Variants in CREB3L2 observed in about 807,000 individuals in gnomAD.
The protein encoded by CREB3L2 is cyclic AMP-responsive element-binding protein 3-like protein 2.
A neutral mutation model predicts 57.2 loss-of-function variants in CREB3L2; 23 were observed. The ratio of observed to expected loss-of-function variants is 0.40; its 90% CI spans 0.29 to 0.57. CREB3L2 has a LOEUF of 0.57. Ranked by LOEUF, CREB3L2 falls within the 20% of genes least tolerant of loss-of-function variation. The pLI is 0.42. For missense variants in CREB3L2, 628 were observed against 634.7 expected (o/e 0.99, Z 0.11); for synonymous variants, 268 against 265.1 (o/e 1.01, Z -0.11).
intron 1 of CREB3L2, among the ~76,000 whole-genome samples, chr7:137,932,359 CATAA>C (rs1336062272): frequency 1.3e-5 from 2 of 152,046 alleles, no homozygotes; most frequent in Non-Finnish European, 2.9e-5. Context: ...GGTTTAAAGG[CATAA>C]ATAAATAAAA....
chr7:137,995,784 A>G (rs558653887), intron 1 of CREB3L2, among the ~76,000 whole-genome samples: 1 of 152,364 alleles, frequency 6.6e-6, no homozygotes, highest in African/African-American at 2.4e-5. Flanking sequence ...CTGCAAAAGC[A>G]ATGTCACATC....
In CREB3L2 at chr7:137,885,389, G is replaced by C; in HGVS notation, c.1143+14C>G. On this transcript the variant is annotated intron_variant, in intron 9 of 11. Transcript: ENST00000330387. Reference sequence around the variant, plus strand: ...CCAGGGGCGGTCACTGTGCTACCCTGCTGGGAAGCTCACCATGAGGCAGGT... The same window carrying C: ...CCAGGGGCGGTCACTGTGCTACCCTCCTGGGAAGCTCACCATGAGGCAGGT... 6.2e-7 allele frequency: 1 copy of C among 1,609,208 alleles called. No homozygotes were observed. The highest frequency in any genetic ancestry group is 1.1e-5 in the South Asian group (1 of 90,952).
In CREB3L2 at chr7:137,882,535, C is replaced by T. The variant is rs1563236578; in HGVS notation, c.1364G>A (p.Arg455Lys). 2 of 1,613,918 alleles carry T rather than the reference C, an allele frequency of 1.2e-6. No homozygotes were observed. The highest frequency in any genetic ancestry group is 1.1e-5 in the South Asian group (1 of 91,072). The change falls in exon 11 of 12, where the codon AGA becomes AAA. Residue 455 changes from arginine (R) to lysine (K), a missense_variant. Arg to Lys is a conservative substitution (Grantham distance 26, BLOSUM62 2). Transcript: ENST00000330387. ...TGACACCCTGAGCAGGGAGGAACCTCTATCCCAGCCCCCCAGCTCCCCAGC... is the reference window on the plus strand; with the variant it reads ...TGACACCCTGAGCAGGGAGGAACCTTTATCCCAGCCCCCCAGCTCCCCAGC... ...GSAGELGGWD[R>K]GSSLLRVSGL...
Position 137,882,579 on chromosome 7 carries a change from C to G in CREB3L2, c.1320G>C (p.Glu440Asp). 1 of 1,613,118 alleles carries G rather than the reference C, an allele frequency of 6.2e-7. No homozygotes were observed. The highest frequency in any genetic ancestry group is 8.5e-7 in the Non-Finnish European group (1 of 1,179,282). The change falls in exon 11 of 12, where the codon GAG becomes GAC. Residue 440 changes from glutamate to aspartate, a missense_variant. Coordinates refer to ENST00000330387, the MANE Select transcript of CREB3L2 (RefSeq NM_194071.4). ...CCCCAGCCGAGCCCGGGCTGGATGA[C>G]TCCTCTGGGGGAGAATGTTCCTCGT... ...LIYEEHSPPE[E>D]SSSPGSAGEL... is the part of the protein sequence containing the mutation.
At chr7:137,964,091 G>C (rs1801368653) in intron 1 of CREB3L2, among the ~76,000 whole-genome samples, 2 of 152,160 alleles carry the variant, frequency 1.3e-5, no homozygotes, top group Admixed American at 1.3e-4. Flanking sequence ...GTGGCGGGCG[G>C]ATCACCTGAG....
chr7:137,941,504 C>T (rs1433434385), intron 1 of CREB3L2, among the ~76,000 whole-genome samples: 2 of 152,136 alleles, frequency 1.3e-5, no homozygotes, highest in African/African-American at 4.8e-5. Flanking sequence ...GGCAATGAAC[C>T]CTCTTCTATC....
At chr7:137,944,848 TAATC>T (rs1295695722) in intron 1 of CREB3L2, among the ~76,000 whole-genome samples, 4 of 152,160 alleles carry the variant, frequency 2.6e-5, no homozygotes, top group African/African-American at 4.8e-5. Flanking sequence ...CATAAATGAA[TAATC>T]AAATTTATAG....
At chr7:137,951,600 C>T (rs17169459) in intron 1 of CREB3L2, among the ~76,000 whole-genome samples, 19,314 of 152,126 alleles carry the variant, frequency 0.13, 1,521 homozygotes, top group Admixed American at 0.24. Flanking sequence ...TATATAAGCT[C>T]AAGGAATTAT....
intron 5 of CREB3L2, 152 bp from the exon 6 acceptor site, chr7:137,906,000 A>G: frequency 2.9e-6 from 2 of 679,514 alleles, no homozygotes; most frequent in South Asian, 3.9e-5. Flanking sequence ...ACAGATGGGT[A>G]TTTTGAAGGG....
At chr7:137,888,554 C>T (rs1799473340) in intron 8 of CREB3L2, among the ~76,000 whole-genome samples, 1 of 152,106 alleles carries the variant, frequency 6.6e-6, no homozygotes, top group Non-Finnish European at 1.5e-5. Context: ...TCTCTATCAC[C>T]TGTAATGCCA....
At chr7:137,914,158 AAT>A (rs1800074955) in intron 3 of CREB3L2, among the ~76,000 whole-genome samples, 1 of 149,598 alleles carries the variant, frequency 6.7e-6, no homozygotes, top group African/African-American at 2.4e-5. Flanking sequence ...AATAATTAAT[AAT>A]GTTATAATAC....
chr7:137,983,568 G>C (rs1269501996), intron 1 of CREB3L2, among the ~76,000 whole-genome samples: 1 of 152,206 alleles, frequency 6.6e-6, no homozygotes, highest in African/African-American at 2.4e-5. Context: ...ACCAGGCAAA[G>C]CTGCTGACTC....
chr7:137,959,012 C>G (rs1310033171), intron 1 of CREB3L2, among the ~76,000 whole-genome samples: 1 of 152,184 alleles, frequency 6.6e-6, no homozygotes, highest in African/African-American at 2.4e-5. Context: ...GAAGTTACTA[C>G]AGTATGTGTG....
chr7:137,986,927 C>T (rs371235585), intron 1 of CREB3L2, among the ~76,000 whole-genome samples: 21 of 152,326 alleles, frequency 1.4e-4, no homozygotes, highest in African/African-American at 3.8e-4. Context: ...GAACATGATG[C>T]CTCGAGCCCA....
chr7:137,954,856 C>G (rs943363857), intron 1 of CREB3L2, among the ~76,000 whole-genome samples: 2 of 152,170 alleles, frequency 1.3e-5, no homozygotes, highest in African/African-American at 4.8e-5. Context: ...GTCGGAACAA[C>G]TGCCCAACCT....
chr7:137,906,864 C>T (rs1934762013), intron 5 of CREB3L2, among the ~76,000 whole-genome samples: 2 of 152,220 alleles, frequency 1.3e-5, no homozygotes. Flanking sequence ...CCTCGCCTTC[C>T]ACCATGATTG....
chr7:137,969,573 A>C (rs1347566758), intron 1 of CREB3L2, among the ~76,000 whole-genome samples: 1 of 151,538 alleles, frequency 6.6e-6, no homozygotes, highest in Non-Finnish European at 1.5e-5. Context: ...GGATGGTCTC[A>C]ATCTCCTGAC....
At chr7:137,895,121 C>G (rs1488290890) in intron 8 of CREB3L2, among the ~76,000 whole-genome samples, 1 of 152,182 alleles carries the variant, frequency 6.6e-6, no homozygotes, top group African/African-American at 2.4e-5. Flanking sequence ...ATGGAGCAAA[C>G]TGAGCCACAA....
In CREB3L2 at chr7:137,878,924, G is replaced by C. The variant is rs1361834780; in HGVS notation, c.*1552C>G. 7 of 399,148 alleles carry C rather than the reference G, an allele frequency of 1.8e-5. No individual in the cohort carries two copies. In the East Asian group the frequency reaches 1.8e-4, roughly 10 times the overall value. 24.7% of individuals were successfully genotyped at this position (399,148 alleles called of 1,614,324 possible). On this transcript the variant is annotated 3_prime_UTR_variant, in exon 12 of 12. Transcript: ENST00000330387. The stretch of plus-strand genomic sequence containing the variant: ...GATGACGTGTGTGGGGGTGGGTGGT[G>C]GGGGGAGAGAGAGAAGGAGAGACAG...
Sources: gnomAD v4.1 joint callset for allele counts (sites outside exome capture counted in the v4.1 genomes callset) on GRCh38, gnomAD v4.1.1 for gene constraint, MANE v1.5 for transcripts, NCBI Gene and HGNC (gene_info 2026-07-23, HGNC 2026-07-21) for gene names.